The following PCDH15 variants were observed in gnomAD, a reference collection of about 807,000 sequenced individuals.
The protein encoded by PCDH15 is protocadherin related 15.
In PCDH15, 129 loss-of-function variants were observed where a neutral mutation model predicts 178.5. The ratio of observed to expected loss-of-function variants is 0.72; its 90% CI spans 0.63 to 0.84. The LOEUF (loss-of-function observed/expected upper bound fraction) is 0.84. Among genes scored for constraint, PCDH15 ranks in the 40% least tolerant of loss-of-function variants. The probability of loss-of-function intolerance (pLI) is 0.00; values close to 1 mark genes in which losing one functional copy is unlikely to be tolerated. For synonymous variants in PCDH15, 800 were observed against 732.0 expected, an observed-to-expected ratio of 1.09 and a Z score of -1.50; for missense variants, 2,230 against 2,099.9, an observed-to-expected ratio of 1.06 and a Z score of -1.21.
At chr10:53,891,576 CCAAAT>C (rs1346201855) in intron 26 of PCDH15, among the ~76,000 whole-genome samples, 1 of 152,110 alleles carries the variant, frequency 6.6e-6, no homozygotes, top group Non-Finnish European at 1.5e-5. Flanking sequence ...TGGCCATTTA[CCAAAT>C]AAACTACTTT....
intron 2 of PCDH15, among the ~76,000 whole-genome samples, chr10:55,331,406 T>A (rs988658656): frequency 5.9e-5 from 9 of 152,036 alleles, no homozygotes; most frequent in African/African-American, 2.2e-4. Flanking sequence ...TTCCAATGGT[T>A]ACAATATTTT....
At chr10:54,915,080 G>A (rs146666195) in intron 2 of PCDH15, among the ~76,000 whole-genome samples, 53 of 152,238 alleles carry the variant, frequency 3.5e-4, no homozygotes, top group African/African-American at 9.9e-4. Flanking sequence ...AGTATCTACC[G>A]CAATGATCAA....
At chr10:55,183,904 G>A (rs1171675267) in intron 1 of PCDH15, among the ~76,000 whole-genome samples, 1 of 151,866 alleles carries the variant, frequency 6.6e-6, no homozygotes, top group Non-Finnish European at 1.5e-5. Flanking sequence ...ATTTAAAAAG[G>A]TTAGAGTTAT....
chr10:53,841,587 A>G (rs2132782093), intron 28 of PCDH15, among the ~76,000 whole-genome samples: 1 of 152,324 alleles, frequency 6.6e-6, no homozygotes, highest in African/African-American at 2.4e-5. Context: ...GCATGCCAGG[A>G]GACACTACCA....
chr10:55,122,989 T>G (rs1036050132), intron 2 of PCDH15, among the ~76,000 whole-genome samples: 1 of 152,200 alleles, frequency 6.6e-6, no homozygotes, highest in Non-Finnish European at 1.5e-5. Flanking sequence ...ATAAAATAAT[T>G]TATTCCATTG....
At chr10:54,319,090 T>G (rs1343663213) in intron 7 of PCDH15, among the ~76,000 whole-genome samples, 1 of 152,168 alleles carries the variant, frequency 6.6e-6, no homozygotes, top group African/African-American at 2.4e-5. Flanking sequence ...TCAAGGGTGG[T>G]GGTGGTAGCA....
At chr10:53,928,253 A>G (rs973767054) in intron 25 of PCDH15, among the ~76,000 whole-genome samples, 2 of 152,030 alleles carry the variant, frequency 1.3e-5, no homozygotes, top group South Asian at 4.1e-4. Context: ...CTATTTAATG[A>G]GAAGCTTTTT....
At chr10:55,368,695 G>A (rs1480302667) in intron 2 of PCDH15, among the ~76,000 whole-genome samples, 1 of 152,118 alleles carries the variant, frequency 6.6e-6, no homozygotes, top group Non-Finnish European at 1.5e-5. Context: ...GACTTAATGA[G>A]TATTGGCTGA....
chr10:54,274,155 G>A (rs2058210181), intron 8 of PCDH15, among the ~76,000 whole-genome samples: 1 of 151,876 alleles, frequency 6.6e-6, no homozygotes, highest in Non-Finnish European at 1.5e-5. Context: ...AGAGTTGGAG[G>A]AGGGAGAAGA....
At chr10:55,426,999 T>G (rs1414714133) in intron 2 of PCDH15, among the ~76,000 whole-genome samples, 8 of 142,440 alleles carry the variant, frequency 5.6e-5, no homozygotes, top group Non-Finnish European at 9.6e-5. Context: ...AGGCCATGGA[T>G]TTTTTTTTTG....
chr10:53,920,476 G>A (rs2083906766), intron 25 of PCDH15, among the ~76,000 whole-genome samples: 1 of 151,772 alleles, frequency 6.6e-6, no homozygotes, highest in East Asian at 1.9e-4. Flanking sequence ...AAAATCACGG[G>A]ATGATAGATT....
At chr10:55,142,336 CA>C (rs1204915186) in intron 2 of PCDH15, among the ~76,000 whole-genome samples, 1 of 151,742 alleles carries the variant, frequency 6.6e-6, no homozygotes, top group Non-Finnish European at 1.5e-5. Flanking sequence ...GAAAAGTAAA[CA>C]AAAATATAAT....
At chr10:54,663,238 A>T (rs967108294) in intron 2 of PCDH15, among the ~76,000 whole-genome samples, 1 of 151,886 alleles carries the variant, frequency 6.6e-6, no homozygotes, top group African/African-American at 2.4e-5. Flanking sequence ...AAATAAATGC[A>T]CATCCTTTGC....
intron 1 of PCDH15, among the ~76,000 whole-genome samples, chr10:55,269,444 A>G (rs1183315964): frequency 6.6e-6 from 1 of 152,186 alleles, no homozygotes; most frequent in East Asian, 1.9e-4. Flanking sequence ...TTCAGGATAC[A>G]AAAGCAACAT....
chr10:54,043,212 A>C (rs936960548), intron 18 of PCDH15, among the ~76,000 whole-genome samples: 6 of 152,252 alleles, frequency 3.9e-5, no homozygotes, highest in African/African-American at 1.4e-4. Flanking sequence ...AATATAACAA[A>C]GGTGTTGAAA....
chr10:55,340,123 T>A, intron 2 of PCDH15, among the ~76,000 whole-genome samples: 1 of 151,494 alleles, frequency 6.6e-6, no homozygotes, highest in East Asian at 1.9e-4. Flanking sequence ...TTCTACAAAA[T>A]ATACATATAG....
chr10:55,529,741 G>GTA (rs56254743), intron 2 of PCDH15, among the ~76,000 whole-genome samples: 6,049 of 62,662 alleles, frequency 0.097, 398 homozygotes, highest in Admixed American at 0.21. Flanking sequence ...TTGTCTGTGA[G>GTA]TATATATATA....
At chr10:55,600,064 T>G (rs1476861714) in intron 2 of PCDH15, 12 of 913,630 alleles carry the variant, frequency 1.3e-5, no homozygotes, top group Non-Finnish European at 1.8e-5. Flanking sequence ...ATCCCTGCAT[T>G]AAAAATTTTG....
intron 1 of PCDH15, among the ~76,000 whole-genome samples, chr10:54,752,804 C>CA (rs1451600203): frequency 6.6e-6 from 1 of 151,854 alleles, no homozygotes; most frequent in African/African-American, 2.4e-5. Flanking sequence ...CACCTTTCCC[C>CA]CCTTGTTATC....
Sources: gnomAD v4.1 joint callset for allele counts (sites outside exome capture counted in the v4.1 genomes callset) on GRCh38, gnomAD v4.1.1 for gene constraint, MANE v1.5 for transcripts, NCBI Gene and HGNC (gene_info 2026-07-23, HGNC 2026-07-21) for gene names.